The following CUX1 variants were observed in gnomAD, a reference collection of about 807,000 sequenced individuals.
The protein encoded by CUX1 is cut like homeobox 1.
In CUX1, 31 loss-of-function variants were observed where a neutral mutation model predicts 158.8. The observed-to-expected ratio is 0.20, with a 90% CI of 0.15 to 0.26. The LOEUF (loss-of-function observed/expected upper bound fraction) is 0.26, where lower values mean the gene tolerates loss of function less well. CUX1 is among the 10% of genes least tolerant of loss of function. CUX1 has a pLI of 1.00. For missense variants in CUX1, 1,589 were observed against 2,014.6 expected, an observed-to-expected ratio of 0.79 and a Z score of 4.04; for synonymous variants, 879 against 862.1, an observed-to-expected ratio of 1.02 and a Z score of -0.34.
chr7:102,195,178 GGCAGCCA>G (rs748780521), intron 13 of CUX1, among the ~76,000 whole-genome samples: 17 of 151,390 alleles, frequency 1.1e-4, no homozygotes, highest in Non-Finnish European at 2.4e-4. Flanking sequence ...TTTGTGGCTT[GGCAGCCA>G]GTCTTATGGC....
Position 102,196,848 on chromosome 7 carries a change from A to G in CUX1, c.1437A>G (p.Ala479=), listed in dbSNP as rs1232141662. 1.2e-6 allele frequency: 2 copies of G among 1,614,042 alleles called. No individual in the cohort carries two copies. Among genetic ancestry groups the G allele is most frequent in the African/African-American group, 1.3e-5 (1 of 74,918 alleles). ...CCCTGGCTTCTACAGGAAAATTTGC[A>G]CTAAACTCTCTTCTCCAGCGGCAGC... is the stretch of plus-strand genomic sequence containing the variant. ...SLPLASTGKF[A]LNSLLQRQLM... Residue 479 remains alanine, a synonymous_variant, in exon 15 of 24, where the codon GCA becomes GCG. Transcript: ENST00000292535.
intron 2 of CUX1, chr7:101,961,648 A>AG (rs11461485): frequency 1 from 152,874 of 152,874 alleles, 76,437 homozygotes; most frequent in Non-Finnish European, 1. Flanking sequence ...TGGGAGGCCG[A>AG]GCAGGCAGAT....
intron 10 of CUX1, among the ~76,000 whole-genome samples, chr7:102,174,449 C>G (rs1792076126): frequency 6.6e-6 from 1 of 152,168 alleles, no homozygotes; most frequent in South Asian, 2.1e-4. Flanking sequence ...ACCTCTTCCT[C>G]TCTCTGATTT....
intron 23 of CUX1, among the ~76,000 whole-genome samples, chr7:102,244,605 G>A (rs1800608750): frequency 6.6e-6 from 1 of 152,100 alleles, no homozygotes; most frequent in African/African-American, 2.4e-5. Flanking sequence ...TGAGGTGGGA[G>A]AATCACTTGA....
In CUX1 at chr7:102,069,578, G is replaced by A. The variant is rs185864894; in HGVS notation, c.190-761G>A. The stretch of plus-strand genomic sequence containing the variant: ...AGCCTGGCCAACATGATAAAACCTC[G>A]TCTCTACTAAAAATACAAAAATTAG... On this transcript the variant is annotated intron_variant, in intron 3 of 23. Transcript: ENST00000292535. Among the ~76,000 whole-genome samples, 11 of 152,150 alleles carry A rather than the reference G, an allele frequency of 7.2e-5. 1 individual carries two copies. Among genetic ancestry groups the A allele is most frequent in the East Asian group, 1.9e-4 (1 of 5,172 alleles).
Position 102,227,961 on chromosome 7 carries a change from T to C in CUX1, c.3433+292T>C, listed in dbSNP as rs1312377027. On this transcript the variant is annotated intron_variant, in intron 21 of 23. Coordinates refer to ENST00000292535, the MANE Select transcript of CUX1 (RefSeq NM_181552.4). ...CTGTCTCTTTTTTTTCTTTTTTTTT[T>C]TTTTTTTTTGAGACAGTCTTGCTCT... is the stretch of plus-strand genomic sequence containing the variant. 3.3e-4 allele frequency among the ~76,000 whole-genome samples: 49 copies of C among 146,680 alleles called. 1 individual carries two copies. The highest frequency in any genetic ancestry group is 1.7e-3 in the Admixed American group (25 of 14,722).
intron 8 of CUX1, among the ~76,000 whole-genome samples, chr7:102,142,378 G>A (rs1184131844): frequency 6.6e-6 from 1 of 152,262 alleles, no homozygotes; most frequent in East Asian, 1.9e-4. Context: ...GTTTGCTGGC[G>A]AAGTTTCACA....
In CUX1 at chr7:102,178,630, G is replaced by T; in HGVS notation, c.990G>T (p.Gln330His). Reference sequence around the variant, plus strand: ...GCCAGATCTCACAGCTTGAGCAGCAGCTGAGCGCCAAAAACAGCACACTCA... The same window carrying T: ...GCCAGATCTCACAGCTTGAGCAGCATCTGAGCGCCAAAAACAGCACACTCA... ...SASQISQLEQ[Q>H]LSAKNSTLKQ... Residue 330 changes from glutamine (Q) to histidine (H), a missense_variant, in exon 11 of 24, where the codon CAG becomes CAT. Around this residue, in one of 8 missense-constraint regions of CUX1, gnomAD observed 515 missense variants for 574.4 expected, o/e 0.90. Coordinates refer to ENST00000292535, the MANE Select transcript of CUX1 (RefSeq NM_181552.4). 1 of 1,610,578 alleles carries T rather than the reference G, an allele frequency of 6.2e-7. No individual in the cohort carries two copies. Among genetic ancestry groups the T allele is most frequent in the Non-Finnish European group, 8.5e-7 (1 of 1,178,314 alleles).
chr7:102,178,784 A>C, intron 11 of CUX1, 127 bp downstream of exon 11: 2 of 981,750 alleles, frequency 2.0e-6, no homozygotes, highest in East Asian at 5.3e-5. Context: ...ACCTCTGTAA[A>C]GTAGCACCAA....
At chr7:101,825,502 C>T (rs1245588644) in intron 1 of CUX1, among the ~76,000 whole-genome samples, 7 of 152,182 alleles carry the variant, frequency 4.6e-5, no homozygotes, top group South Asian at 2.1e-4. Context: ...AGCTACCATC[C>T]GGAGCTGGCC....
intron 4 of CUX1, among the ~76,000 whole-genome samples, chr7:102,091,157 A>G (rs185863144): frequency 6.6e-6 from 1 of 152,332 alleles, no homozygotes; most frequent in East Asian, 1.9e-4. Flanking sequence ...AGCATAAAAT[A>G]GTTATTTTCC....
At chr7:102,283,144 C>G (rs1273086795) in exon 23 of CUX1, 3 of 1,400,006 alleles carry the variant, frequency 2.1e-6, no homozygotes, top group African/African-American at 1.4e-5. Flanking sequence ...CCCGACTGCT[C>G]AGTGCATCTA....
chr7:101,971,068 C>T (rs1466529059), intron 2 of CUX1, among the ~76,000 whole-genome samples: 1 of 152,250 alleles, frequency 6.6e-6, no homozygotes, highest in Non-Finnish European at 1.5e-5. Context: ...ATCCTGACAA[C>T]AGTCCTGAAA....
chr7:102,216,761 C>T (rs1403282687), intron 20 of CUX1, among the ~76,000 whole-genome samples: 2 of 147,438 alleles, frequency 1.4e-5, no homozygotes, highest in Non-Finnish European at 1.5e-5. Context: ...CACACACACA[C>T]TCTTCCACAC....
Position 102,254,146 on chromosome 7 carries a change from C to G in CUX1, c.*5104C>G. Reference sequence around the variant, plus strand: ...AGGCACACGGATGTTTCCCTTCCACCTGTTCCCAAAGCTCCAGCAGCTGTT... The same window carrying G: ...AGGCACACGGATGTTTCCCTTCCACGTGTTCCCAAAGCTCCAGCAGCTGTT... On this transcript the variant is annotated 3_prime_UTR_variant, in exon 24 of 24. Coordinates refer to ENST00000292535, the MANE Select transcript of CUX1 (RefSeq NM_181552.4). 1.0e-6 allele frequency: 1 copy of G among 985,488 alleles called. No homozygotes were observed. Among genetic ancestry groups the G allele is most frequent in the Non-Finnish European group, 1.2e-6 (1 of 829,978 alleles). 61.0% of individuals were successfully genotyped at this position (985,488 alleles called of 1,614,324 possible). A position where few individuals can be genotyped will look rare whatever the true frequency, so the allele number is the denominator to read the frequency against.
chr7:102,280,681 C>T, intron 19 of CUX1: 1 of 944,386 alleles, frequency 1.1e-6, no homozygotes, highest in Non-Finnish European at 1.6e-6. Context: ...CCTGGCAGCC[C>T]CCTGGGGGTC....
At chr7:102,122,684 A>G (rs1465022724) in intron 8 of CUX1, among the ~76,000 whole-genome samples, 1 of 152,194 alleles carries the variant, frequency 6.6e-6, no homozygotes, top group Non-Finnish European at 1.5e-5. Flanking sequence ...ATTCTTTGCC[A>G]GTTCTGTGGC....
chr7:101,816,202 C>A, upstream of CUX1: 1 of 314,124 alleles, frequency 3.2e-6, no homozygotes, highest in Non-Finnish European at 4.6e-6. Flanking sequence ...CCCGCGGCGG[C>A]GGGGAGGAGG....
intron 3 of CUX1, among the ~76,000 whole-genome samples, chr7:102,053,016 G>A (rs1823704669): frequency 6.6e-6 from 1 of 151,982 alleles, no homozygotes; most frequent in African/African-American, 2.4e-5. Flanking sequence ...CACCATGTTG[G>A]CCAGGCTGGT....
Sources: allele counts gnomAD v4.1 joint callset (sites outside exome capture counted in the v4.1 genomes callset), GRCh38; gene constraint gnomAD v4.1.1; regional missense constraint gnomAD v4.1.1; transcripts MANE v1.5; gene names NCBI Gene and HGNC (gene_info 2026-07-23, HGNC 2026-07-21).